Variants in MYO16 observed in about 807,000 individuals in gnomAD.
MYO16 encodes the protein unconventional myosin-XVI.
A neutral mutation model predicts 205.3 loss-of-function variants in MYO16; 94 were observed. The ratio of observed to expected loss-of-function variants is 0.46; its 90% CI spans 0.39 to 0.54. The LOEUF is 0.54. MYO16 is among the 20% of genes least tolerant of loss of function. MYO16 has a pLI of 0.00. For synonymous variants in MYO16, 988 were observed against 954.0 expected (o/e 1.04, Z -0.66); for missense variants, 2,315 against 2,387.5 (o/e 0.97, Z 0.63).
At chr13:109,030,854 A>AT (rs1324910566) in intron 23 of MYO16, among the ~76,000 whole-genome samples, 2 of 152,108 alleles carry the variant, frequency 1.3e-5, no homozygotes, top group African/African-American at 2.4e-5. Flanking sequence ...AATAAAGCTG[A>AT]TTTTTTGTAT....
chr13:108,770,887 C>A (rs775726131), intron 4 of MYO16, among the ~76,000 whole-genome samples: 1 of 152,198 alleles, frequency 6.6e-6, no homozygotes, highest in Non-Finnish European at 1.5e-5. Context: ...AGAACACTCT[C>A]ACTGGTTACA....
Position 108,806,730 on chromosome 13 carries a change from G to C in MYO16, c.793G>C (p.Glu265Gln), listed in dbSNP as rs1341921077. 1 of 1,613,194 alleles carries C rather than the reference G, an allele frequency of 6.2e-7. No individual in the cohort carries two copies. The highest frequency in any genetic ancestry group is 1.7e-5 in the Admixed American group (1 of 60,006). ...GYKEVVSLIL[E>Q]HGGDLNIVDD... ...CAAGGAGGTGGTGTCTCTTATCCTGGAACATGGTGGAGACCTCAACATAGT... is the reference window on the plus strand; with the variant it reads ...CAAGGAGGTGGTGTCTCTTATCCTGCAACATGGTGGAGACCTCAACATAGT... The change falls in exon 7 of 35, where the codon GAA (glutamate) becomes CAA (glutamine). Residue 265 changes from glutamate (E) to glutamine (Q), a missense_variant. Glu to Gln is a conservative substitution (Grantham distance 29). Around this residue, in one of 3 missense-constraint regions of MYO16, gnomAD observed 1,213 missense variants for 1,274.4 expected, o/e 0.95. Coordinates refer to ENST00000457511, the MANE Select transcript of MYO16 (RefSeq NM_001198950.3).
chr13:108,972,209 C>G (rs1884044631), intron 20 of MYO16, among the ~76,000 whole-genome samples: 1 of 5,934 alleles, frequency 1.7e-4, no homozygotes, highest in South Asian at 6.5e-3. Context: ...GACCCTGTCT[C>G]TCTCTCTCTC....
chr13:109,098,710 G>A (rs1888858076), intron 27 of MYO16, among the ~76,000 whole-genome samples: 1 of 152,136 alleles, frequency 6.6e-6, no homozygotes, highest in Admixed American at 6.5e-5. Context: ...ATCAAACAGT[G>A]ACATGACCTC....
chr13:108,620,946 C>T (rs1879519164), intron 1 of MYO16, among the ~76,000 whole-genome samples: 1 of 152,210 alleles, frequency 6.6e-6, no homozygotes, highest in African/African-American at 2.4e-5. Context: ...AGCCTGGCCT[C>T]TACTTACCTC....
At chr13:108,740,960 G>A (rs1242075774) in intron 4 of MYO16, among the ~76,000 whole-genome samples, 1 of 152,182 alleles carries the variant, frequency 6.6e-6, no homozygotes, top group African/African-American at 2.4e-5. Flanking sequence ...CTCCTGGTGT[G>A]CCGTTTGCTA....
chr13:108,921,459 TC>T (rs1157675579), intron 16 of MYO16, among the ~76,000 whole-genome samples: 1 of 152,214 alleles, frequency 6.6e-6, no homozygotes, highest in African/African-American at 2.4e-5. Flanking sequence ...GCACTCCCCA[TC>T]TTTGAAGTTT....
chr13:108,642,804 T>C (rs1394494602), intron 1 of MYO16, among the ~76,000 whole-genome samples: 1 of 152,184 alleles, frequency 6.6e-6, no homozygotes, highest in East Asian at 1.9e-4. Flanking sequence ...TTCTATCATT[T>C]AAAAAATAAT....
At chr13:108,739,201 T>C (rs1482749737) in intron 4 of MYO16, among the ~76,000 whole-genome samples, 3 of 152,150 alleles carry the variant, frequency 2.0e-5, no homozygotes, top group Admixed American at 1.3e-4. Flanking sequence ...GTTATTTTGC[T>C]CATTAGTTGA....
At chr13:108,498,457 A>G in the MYO16 span, among the ~76,000 whole-genome samples, 1 of 152,060 alleles carries the variant, frequency 6.6e-6, no homozygotes, top group Non-Finnish European at 1.5e-5. Flanking sequence ...GGCCAGTGAA[A>G]CCTACCACAG....
the MYO16 span, among the ~76,000 whole-genome samples, chr13:108,530,548 T>C: frequency 6.6e-6 from 1 of 152,198 alleles, no homozygotes; most frequent in Non-Finnish European, 1.5e-5. Context: ...ACATATTAAT[T>C]CCATGTGATT....
chr13:109,067,778 G>A (rs1409875972), intron 27 of MYO16, among the ~76,000 whole-genome samples: 4 of 152,106 alleles, frequency 2.6e-5, no homozygotes, highest in African/African-American at 7.2e-5. Flanking sequence ...CCACAGACTC[G>A]TTCGTGGCGT....
intron 15 of MYO16, among the ~76,000 whole-genome samples, 150 bp from the exon 16 acceptor site, chr13:108,909,847 AGCTAAT>A (rs2139233573): frequency 6.6e-6 from 1 of 152,300 alleles, no homozygotes; most frequent in South Asian, 2.1e-4. Context: ...TGAAAGTCCT[AGCTAAT>A]GCAAAAAGAC....
intron 27 of MYO16, among the ~76,000 whole-genome samples, chr13:109,093,981 C>T (rs1477924767): frequency 6.6e-6 from 1 of 152,048 alleles, no homozygotes; most frequent in Non-Finnish European, 1.5e-5. Context: ...TACCCCATTG[C>T]ACTAACCTTT....
chr13:109,021,548 G>A (rs1886022311), intron 23 of MYO16, among the ~76,000 whole-genome samples: 4 of 152,198 alleles, frequency 2.6e-5, no homozygotes, highest in Admixed American at 2.6e-4. Flanking sequence ...ACTGGTGGAA[G>A]CTAAAGAGCA....
chr13:108,674,665 G>C (rs1008348318), intron 2 of MYO16, among the ~76,000 whole-genome samples: 3 of 152,124 alleles, frequency 2.0e-5, no homozygotes, highest in Non-Finnish European at 2.9e-5. Context: ...GACCAAGCCT[G>C]GATCCATATA....
chr13:108,548,976 A>G, the MYO16 span, among the ~76,000 whole-genome samples: 1 of 152,250 alleles, frequency 6.6e-6, no homozygotes, highest in Non-Finnish European at 1.5e-5. Flanking sequence ...CTATCTATAG[A>G]TATACAGATC....
intron 23 of MYO16, among the ~76,000 whole-genome samples, chr13:109,028,928 T>G (rs2139549497): frequency 6.6e-6 from 1 of 152,006 alleles, no homozygotes; most frequent in East Asian, 1.9e-4. Flanking sequence ...TTCTTCTGTT[T>G]AAAAATAGCG....
Position 108,943,743 on chromosome 13 carries a change from G to A in MYO16, c.1926-13945G>A, listed in dbSNP as rs142991767. Among the ~76,000 whole-genome samples the A allele has an allele frequency of 3.4e-4, 51 of 151,696 alleles. 1 individual carries two copies. The East Asian group carries it at 8.3e-3, about 25-fold the overall frequency. On this transcript the variant is annotated intron_variant, in intron 16 of 34. Coordinates refer to ENST00000457511, the MANE Select transcript of MYO16 (RefSeq NM_001198950.3). ...TGGGATTATAGGTGTGAGCCACCAC[G>A]CCTGGCTAATTTTTTGTATTTTTAG...
Sources: gnomAD v4.1 joint callset for allele counts (sites outside exome capture counted in the v4.1 genomes callset) on GRCh38, gnomAD v4.1.1 for gene constraint, gnomAD v4.1.1 regional missense constraint, MANE v1.5 for transcripts, NCBI Gene and HGNC (gene_info 2026-07-23, HGNC 2026-07-21) for gene names.